DDX42: variants seen among roughly 807,000 people sequenced by gnomAD.
DDX42 encodes the protein DEAD-box helicase 42, also known as ATP-dependent RNA helicase DDX42.
A neutral mutation model predicts 101.5 loss-of-function variants in DDX42; 22 were observed. The ratio of observed to expected loss-of-function variants is 0.22; its 90% CI spans 0.15 to 0.31. DDX42 has a LOEUF of 0.31. Ranked by LOEUF, DDX42 falls within the 10% of genes least tolerant of loss-of-function variation. DDX42 has a pLI of 1.00. For synonymous variants in DDX42, 402 were observed against 401.2 expected, an observed-to-expected ratio of 1.00 and a Z score of -0.02; for missense variants, 849 against 1,199.9, an observed-to-expected ratio of 0.71 and a Z score of 4.32.
At chr17:63,808,251 C>T (rs1167393139) in intron 9 of DDX42, among the ~76,000 whole-genome samples, 1 of 152,168 alleles carries the variant, frequency 6.6e-6, no homozygotes, top group Non-Finnish European at 1.5e-5. Context: ...GATCTCAGCT[C>T]ACTGCAACCT....
chr17:63,808,029 T>G, intron 9 of DDX42, 129 bp downstream of exon 9: 1 of 838,634 alleles, frequency 1.2e-6, no homozygotes, highest in East Asian at 2.8e-5. Flanking sequence ...ATTGATTATC[T>G]TAACCATTTT....
intron 1 of DDX42, among the ~76,000 whole-genome samples, chr17:63,781,961 G>C (rs1347690556): frequency 6.6e-6 from 1 of 152,130 alleles, no homozygotes; most frequent in Non-Finnish European, 1.5e-5. Flanking sequence ...AGTGAGCCGA[G>C]ATTGTGCCAC....
chr17:63,797,343 A>C lies in DDX42; in HGVS notation c.373-695A>C, dbSNP rs149347562. 5.2e-3 allele frequency among the ~76,000 whole-genome samples: 599 copies of C among 115,414 alleles called. 5 individuals are homozygous for C. The highest frequency in any genetic ancestry group is 8.5e-3 in the Middle Eastern group (2 of 234). 75.7% of individuals were successfully genotyped at this position (115,414 alleles called of 152,430 possible). On this transcript the variant is annotated intron_variant, in intron 3 of 17. Coordinates refer to ENST00000389924, the MANE Select transcript of DDX42 (RefSeq NM_203499.3). ...CTCCAGCCTGGGCAACGAGAGCGAA[A>C]CTCCATCTCAAAAAAAAAAAAAAAA...
intron 3 of DDX42, among the ~76,000 whole-genome samples, chr17:63,794,386 A>G (rs1190439418): frequency 6.6e-6 from 1 of 151,988 alleles, no homozygotes; most frequent in Non-Finnish European, 1.5e-5. Context: ...TCTACAAAAA[A>G]TAAAATTTAG....
Position 63,809,574 on chromosome 17 carries a change from T to G in DDX42, c.1167T>G (p.Asp389Glu). 1 of 1,613,966 alleles carries G rather than the reference T, an allele frequency of 6.2e-7. No homozygotes were observed. The highest frequency in any genetic ancestry group is 8.5e-7 in the Non-Finnish European group (1 of 1,179,876). The change falls in exon 11 of 18, where the codon GAT becomes GAG. Residue 389 changes from aspartate (D) to glutamate (E), a missense_variant. By Grantham distance (45) the Asp-to-Glu change is conservative (BLOSUM62 2). This residue lies in a region of DDX42 where 370 missense variants were observed against 608.8 expected (regional missense o/e 0.61). Coordinates refer to ENST00000389924, the MANE Select transcript of DDX42 (RefSeq NM_203499.3). ...TGATCTTATAGGGTCGACTGATAGA[T>G]CATGTGAAAAAGAAAGCTACCAATC... ...IVVCTPGRLI[D>E]HVKKKATNLQ...
At chr17:63,803,940 G>A (rs888235791) in intron 6 of DDX42, among the ~76,000 whole-genome samples, 2 of 152,100 alleles carry the variant, frequency 1.3e-5, no homozygotes, top group Admixed American at 6.5e-5. Flanking sequence ...ATGAGCCACT[G>A]CTCCAGGCCT....
At chr17:63,806,226 C>T in intron 7 of DDX42, 1 of 194,500 alleles carries the variant, frequency 5.1e-6, no homozygotes, top group African/African-American at 2.5e-5. Flanking sequence ...TTATGGCTTC[C>T]CAATTCATTG....
intron 2 of DDX42, among the ~76,000 whole-genome samples, 193 bp from the exon 3 acceptor site, chr17:63,792,219 T>C (rs1396853850): frequency 6.6e-6 from 1 of 152,176 alleles, no homozygotes; most frequent in Non-Finnish European, 1.5e-5. Flanking sequence ...TACTTTTTTG[T>C]AATATTGAAA....
At chr17:63,778,030 T>A (rs189011683) in intron 1 of DDX42, among the ~76,000 whole-genome samples, 17 of 152,272 alleles carry the variant, frequency 1.1e-4, no homozygotes, top group Admixed American at 9.2e-4. Flanking sequence ...GCTATGGAAT[T>A]GAGGAGAGTG....
chr17:63,774,045 C>A (rs144961397), upstream of DDX42: 1 of 218,644 alleles, frequency 4.6e-6, no homozygotes, highest in Non-Finnish European at 9.0e-6. Context: ...ACTGCAGTTT[C>A]CCGTCAGAGT....
intron 1 of DDX42, among the ~76,000 whole-genome samples, chr17:63,779,818 A>T (rs1045426825): frequency 6.6e-6 from 1 of 151,502 alleles, no homozygotes; most frequent in Non-Finnish European, 1.5e-5. Context: ...TCCTGGCCTC[A>T]AGCCATCCTC....
chr17:63,785,937 G>T (rs972183456), intron 1 of DDX42, among the ~76,000 whole-genome samples: 1 of 152,082 alleles, frequency 6.6e-6, no homozygotes, highest in Non-Finnish European at 1.5e-5. Flanking sequence ...GGAGAGTCTT[G>T]GCTGATAGCA....
At chr17:63,792,390 C>A (rs778290591) in intron 2 of DDX42, 22 bp from the exon 3 acceptor site, 79 of 1,603,630 alleles carry the variant, frequency 4.9e-5, no homozygotes, top group Non-Finnish European at 6.5e-5. Context: ...TTCACTTTAC[C>A]AGTTTGCTTT....
intron 1 of DDX42, among the ~76,000 whole-genome samples, chr17:63,785,418 C>G (rs576784642): frequency 1.9e-4 from 29 of 151,254 alleles, no homozygotes; most frequent in Non-Finnish European, 2.9e-4. Context: ...CCACTGCACT[C>G]CAGCCTGGGT....
chr17:63,788,182 T>C (rs1302211810), intron 2 of DDX42, among the ~76,000 whole-genome samples: 1 of 148,688 alleles, frequency 6.7e-6, no homozygotes, highest in Non-Finnish European at 1.5e-5. Context: ...TGGGATTACA[T>C]GCATGAGCTA....
At chr17:63,804,629 T>G (rs1251274084) in intron 6 of DDX42, among the ~76,000 whole-genome samples, 4 of 152,208 alleles carry the variant, frequency 2.6e-5, no homozygotes, top group African/African-American at 9.7e-5. Flanking sequence ...GAGAGATTCC[T>G]TAGTCTGCTT....
chr17:63,780,340 A>T (rs1383310807), intron 1 of DDX42, among the ~76,000 whole-genome samples: 1 of 152,006 alleles, frequency 6.6e-6, no homozygotes, highest in Non-Finnish European at 1.5e-5. Context: ...TTGTCAAGAG[A>T]CTTAAGTAAT....
chr17:63,806,787 T>G (rs1259800216), intron 8 of DDX42, 133 bp downstream of exon 8: 4 of 929,750 alleles, frequency 4.3e-6, no homozygotes, highest in Non-Finnish European at 5.8e-6. Context: ...TATTTATCAC[T>G]CTTAAGAAGT....
chr17:63,804,102 A>G (rs2039808722), intron 6 of DDX42, among the ~76,000 whole-genome samples: 1 of 151,888 alleles, frequency 6.6e-6, no homozygotes, highest in South Asian at 2.1e-4. Flanking sequence ...ATCCAGAACT[A>G]TGATTTTTTT....
Sources: allele counts gnomAD v4.1 joint callset (sites outside exome capture counted in the v4.1 genomes callset), GRCh38; gene constraint gnomAD v4.1.1; regional missense constraint gnomAD v4.1.1; transcripts MANE v1.5; gene names NCBI Gene and HGNC (gene_info 2026-07-23, HGNC 2026-07-21).